Variants in TRPC5 observed in about 807,000 individuals in gnomAD.
TRPC5 encodes the protein transient receptor potential cation channel subfamily C member 5.
A neutral mutation model predicts 56.5 loss-of-function variants in TRPC5; 9 were observed. That is an observed-to-expected ratio of 0.16 (90% confidence interval 0.10 to 0.28). The LOEUF (loss-of-function observed/expected upper bound fraction) is 0.28. Among genes scored for constraint, TRPC5 ranks in the 10% least tolerant of loss-of-function variants. The pLI is 1.00. For missense variants in TRPC5, 469 were observed against 748.9 expected (o/e 0.63, Z 4.36); for synonymous variants, 282 against 278.5 (o/e 1.01, Z -0.13).
At chrX:111,870,501 A>G (rs1192384465) in intron 3 of TRPC5, among the ~76,000 whole-genome samples, 5 of 111,846 alleles carry the variant, frequency 4.5e-5, no homozygotes, top group African/African-American at 9.7e-5. Context: ...ACTATGTCCT[A>G]TGTTTTATCT....
chrX:111,884,524 G>A (rs1007298582), intron 3 of TRPC5, among the ~76,000 whole-genome samples: 1 of 112,897 alleles, frequency 8.9e-6, no homozygotes, highest in African/African-American at 3.2e-5. Flanking sequence ...GGCCTAACCA[G>A]GGCCAAAGCC....
rs1922959313 is a variant in TRPC5, at chrX:111,847,330, G to T, written c.1484C>A (p.Ser495Tyr). ...TAAGTGGGAGTTGGCTGTGAACAGG[G>T]ATATGAGACGCAACGAACTTAAAAT... ...SNILSSLRLISLFTANSHLGP... is the reference protein window; with the variant it reads ...SNILSSLRLIYLFTANSHLGP... Residue 495 changes from serine to tyrosine, a missense_variant, in exon 6 of 11, where the codon TCC becomes TAC. By Grantham distance (144) the Ser-to-Tyr change is moderately radical. This residue lies in a region of TRPC5 where 157 missense variants were observed against 360.0 expected (regional missense o/e 0.44). Coordinates refer to ENST00000262839, the MANE Select transcript of TRPC5 (RefSeq NM_012471.3). The T allele has an allele frequency of 1.7e-6, 2 of 1,209,331 alleles. No homozygotes were observed. Among genetic ancestry groups the T allele is most frequent in the Admixed American group, 2.2e-5 (1 of 45,585 alleles).
At chrX:112,031,030 G>A (rs1226289354) in intron 1 of TRPC5, among the ~76,000 whole-genome samples, 1 of 111,452 alleles carries the variant, frequency 9.0e-6, no homozygotes, top group Non-Finnish European at 1.9e-5. Context: ...GGCAGAGCTG[G>A]GATTTGAAAT....
At chrX:112,077,918 T>C (rs1005345110) in intron 1 of TRPC5, among the ~76,000 whole-genome samples, 1 of 110,783 alleles carries the variant, frequency 9.0e-6, no homozygotes, top group Non-Finnish European at 1.9e-5. Context: ...ATGTGCATGT[T>C]TGTGTGTGTG....
At chrX:111,934,277 T>C (rs749140497) in intron 2 of TRPC5, among the ~76,000 whole-genome samples, 1 of 109,762 alleles carries the variant, frequency 9.1e-6, no homozygotes, top group Admixed American at 9.8e-5. Context: ...AGTAATTTTA[T>C]GGTTTCAGGT....
chrX:111,974,824 C>CTGTA (rs1200441659), intron 1 of TRPC5, among the ~76,000 whole-genome samples: 3 of 111,789 alleles, frequency 2.7e-5, no homozygotes, highest in African/African-American at 9.8e-5. Context: ...CGTAGACTGT[C>CTGTA]TGTACCCACA....
At chrX:111,803,951 C>T (rs1921406710) in intron 7 of TRPC5, among the ~76,000 whole-genome samples, 2 of 111,901 alleles carry the variant, frequency 1.8e-5, no homozygotes, top group Non-Finnish European at 3.8e-5. Context: ...ATGGTAATGC[C>T]TAGGTTTTCT....
chrX:112,051,638 C>T (rs771759786), intron 1 of TRPC5, among the ~76,000 whole-genome samples: 1 of 112,375 alleles, frequency 8.9e-6, no homozygotes, highest in Non-Finnish European at 1.9e-5. Flanking sequence ...ATAAAGTACA[C>T]ATCACATAAA....
At chrX:111,851,598 G>A (rs1414741345) in intron 5 of TRPC5, among the ~76,000 whole-genome samples, 1 of 109,407 alleles carries the variant, frequency 9.1e-6, no homozygotes, top group African/African-American at 3.3e-5. Flanking sequence ...TAAAAATGCT[G>A]GATTTATAAC....
intron 7 of TRPC5, among the ~76,000 whole-genome samples, chrX:111,792,471 A>T (rs897429951): frequency 4.5e-5 from 5 of 111,539 alleles, no homozygotes; most frequent in Admixed American, 1.9e-4. Flanking sequence ...TTAAAATTTT[A>T]AAAAATTAAA....
At chrX:111,894,662 ACT>A (rs1265300896) in intron 3 of TRPC5, among the ~76,000 whole-genome samples, 1 of 111,150 alleles carries the variant, frequency 9.0e-6, no homozygotes, top group African/African-American at 3.3e-5. Flanking sequence ...TCCTGGTAAG[ACT>A]CTTATCACTG....
intron 1 of TRPC5, among the ~76,000 whole-genome samples, chrX:112,017,166 A>T (rs905108101): frequency 9.0e-6 from 1 of 111,125 alleles, no homozygotes; most frequent in African/African-American, 3.3e-5. Context: ...GGCGTGTGCC[A>T]CCACACCCAG....
At chrX:111,920,909 T>TGG (rs1341178575) in intron 2 of TRPC5, among the ~76,000 whole-genome samples, 2 of 111,932 alleles carry the variant, frequency 1.8e-5, no homozygotes, top group Non-Finnish European at 3.8e-5. Context: ...TGAAAGACTT[T>TGG]GGATCATGAA....
chrX:111,971,270 G>A (rs1353553377), intron 1 of TRPC5, among the ~76,000 whole-genome samples: 1 of 111,756 alleles, frequency 8.9e-6, no homozygotes, highest in African/African-American at 3.3e-5. Flanking sequence ...ACATTTATCA[G>A]TTAGCTATTT....
chrX:112,035,147 C>T (rs1254653024), intron 1 of TRPC5, among the ~76,000 whole-genome samples: 2 of 106,726 alleles, frequency 1.9e-5, no homozygotes, highest in African/African-American at 6.8e-5. Flanking sequence ...TGGACTTCCT[C>T]AGGGACAGTT....
At position 111,853,818 on chromosome X, in the gene TRPC5, C is replaced by T; in HGVS notation, c.1189G>A (p.Gly397Arg). ...CATTCCACGACAGTTGGGGGAGGCCCCTGTACATGAAGGTCTGTCCTGACA... is the reference window on the plus strand; with the variant it reads ...CATTCCACGACAGTTGGGGGAGGCCTCTGTACATGAAGGTCTGTCCTGACA... Reference protein sequence around the residue: ...HIVRTDLHVQGPPPTVVEWMI... With the variant: ...HIVRTDLHVQRPPPTVVEWMI... The change falls in exon 4 of 11, where the codon GGG becomes AGG. Residue 397 changes from glycine (G) to arginine (R), a missense_variant. Physicochemically the swap from Gly to Arg is moderately radical, Grantham distance 125 (BLOSUM62 -2). Transcript: ENST00000262839. 1 of 1,211,830 alleles carries T rather than the reference C, an allele frequency of 8.3e-7. No individual in the cohort carries two copies. Among genetic ancestry groups the T allele is most frequent in the Non-Finnish European group, 1.1e-6 (1 of 895,548 alleles).
At chrX:112,052,311 G>C (rs1237647062) in intron 1 of TRPC5, among the ~76,000 whole-genome samples, 1 of 110,083 alleles carries the variant, frequency 9.1e-6, no homozygotes, top group Non-Finnish European at 1.9e-5. Flanking sequence ...TTTTAAATTA[G>C]CCTTCTTAAT....
chrX:111,843,873 AGTGTGTGTGTGTGTGTGTGT>A (rs547330564), intron 6 of TRPC5, among the ~76,000 whole-genome samples: 5 of 72,593 alleles, frequency 6.9e-5, no homozygotes, highest in Non-Finnish European at 1.0e-4. Flanking sequence ...CAGTGGGATG[AGTGTGTGTGTGTGTGTGTGT>A]GTGTGTGTGT....
rs201149201 is a variant in TRPC5 at position 111,964,585 on chromosome X, TTACC to T, written c.-21-12148_-21-12145del. Among the ~76,000 whole-genome samples, 401 of 112,194 alleles carry T rather than the reference TTACC, an allele frequency of 3.6e-3. 2 individuals are homozygous for T. Among genetic ancestry groups the T allele is most frequent in the African/African-American group, 0.012 (377 of 30,863 alleles). On this transcript the variant is annotated intron_variant, in intron 1 of 10. Coordinates refer to ENST00000262839, the MANE Select transcript of TRPC5 (RefSeq NM_012471.3). ...AGGGCAGCGAGAGAGAAAGGTGGGG[TTACC>T]CACAAAGGGAAGCTCATCAGACTAA... is the stretch of plus-strand genomic sequence containing the variant.
Sources: gnomAD v4.1 joint callset for allele counts (sites outside exome capture counted in the v4.1 genomes callset) on GRCh38, gnomAD v4.1.1 for gene constraint, gnomAD v4.1.1 regional missense constraint, MANE v1.5 for transcripts, NCBI Gene and HGNC (gene_info 2026-07-23, HGNC 2026-07-21) for gene names.